QSER1: variants seen among roughly 807,000 people sequenced by gnomAD.
QSER1 encodes the protein glutamine and serine-rich protein 1.
Under a neutral mutation model 158.5 loss-of-function variants are expected in QSER1, and 49 were observed. The ratio of observed to expected loss-of-function variants is 0.31; its 90% CI spans 0.25 to 0.39. The LOEUF (loss-of-function observed/expected upper bound fraction) is 0.39. Among genes scored for constraint, QSER1 ranks in the 10% least tolerant of loss-of-function variants. The pLI is 1.00. For missense variants in QSER1, 1,754 were observed against 2,010.3 expected (o/e 0.87, Z 2.44); for synonymous variants, 650 against 715.5 (o/e 0.91, Z 1.46).
chr11:32,925,727 C>T (rs1034727935), intron 1 of QSER1, among the ~76,000 whole-genome samples: 7 of 151,808 alleles, frequency 4.6e-5, no homozygotes, highest in Non-Finnish European at 8.8e-5. Context: ...GGGGTTTTGC[C>T]ATGTTGGCCA....
intron 4 of QSER1, among the ~76,000 whole-genome samples, chr11:32,948,927 C>G (rs771968574): frequency 6.6e-6 from 1 of 151,898 alleles, no homozygotes; most frequent in African/African-American, 2.4e-5. Flanking sequence ...CTTTTCTTTT[C>G]CTGGTTACAA....
At chr11:32,966,215 T>G (rs1852743844) in intron 8 of QSER1, 85 bp from the exon 9 acceptor site, 1 of 1,409,648 alleles carries the variant, frequency 7.1e-7, no homozygotes, top group Non-Finnish European at 9.7e-7. Context: ...ATCTGCAATC[T>G]GCTTCTAGGG....
intron 1 of QSER1, among the ~76,000 whole-genome samples, chr11:32,896,278 G>T (rs1012328034): frequency 1.3e-5 from 2 of 152,124 alleles, no homozygotes; most frequent in Admixed American, 6.5e-5. Context: ...GGTGATAATC[G>T]ATGTGTTCGT....
chr11:32,934,731 G>C lies in QSER1; in HGVS notation c.3473G>C (p.Gly1158Ala). 5 of 1,613,792 alleles carry C rather than the reference G, an allele frequency of 3.1e-6. No individual in the cohort carries two copies. Among genetic ancestry groups the C allele is most frequent in the Non-Finnish European group, 4.2e-6 (5 of 1,179,888 alleles). The change falls in exon 4 of 13, where the codon GGT becomes GCT. Residue 1158 changes from glycine to alanine, a missense_variant. Gly to Ala is a moderately conservative substitution (Grantham distance 60). Transcript: ENST00000650167. ...TCAGAGAGTGAATTTACCTTAGGGG[G>C]TGACGACAGTGGTGTGTCAATGAAC... ...ATSESEFTLG[G>A]DDSGVSMNPA...
chr11:32,975,615 A>G (rs2133618911), intron 12 of QSER1: 2 of 1,245,638 alleles, frequency 1.6e-6, no homozygotes, highest in Non-Finnish European at 2.0e-6. Flanking sequence ...GCCATAATAA[A>G]TGATGTTTTA....
intron 1 of QSER1, among the ~76,000 whole-genome samples, chr11:32,916,225 C>A (rs1342839624): frequency 2.0e-5 from 3 of 152,170 alleles, no homozygotes; most frequent in Admixed American, 6.6e-5. Context: ...TTTATTGATA[C>A]AATTTACATG....
Position 32,932,150 on chromosome 11 carries a change from A to G in QSER1, c.892A>G (p.Thr298Ala), listed in dbSNP as rs1852057806. Residue 298 changes from threonine (T) to alanine (A), a missense_variant, in exon 4 of 13, where the codon ACT (threonine) becomes GCT (alanine). Thr to Ala is a moderately conservative substitution (Grantham distance 58). Coordinates refer to ENST00000650167, the MANE Select transcript of QSER1 (RefSeq NM_001076786.3). ...SQQTPQAYSS[T>A]LFTSSTASIE... ...GCAGACTCCTCAAGCCTACAGTTCAACTCTCTTTACTAGTTCTACTGCTTC... is the reference window on the plus strand; with the variant it reads ...GCAGACTCCTCAAGCCTACAGTTCAGCTCTCTTTACTAGTTCTACTGCTTC... The G allele has an allele frequency of 1.2e-6, 2 of 1,613,944 alleles. No homozygotes were observed. The highest frequency in any genetic ancestry group is 1.7e-6 in the Non-Finnish European group (2 of 1,179,960).
At chr11:32,918,185 C>T (rs1394349844) in intron 1 of QSER1, among the ~76,000 whole-genome samples, 1 of 152,098 alleles carries the variant, frequency 6.6e-6, no homozygotes, top group Non-Finnish European at 1.5e-5. Flanking sequence ...TTATTTATGA[C>T]TACCTGCTGT....
In QSER1 at chr11:32,893,646, A is replaced by G. The variant is rs531146297; in HGVS notation, c.209+312A>G. Among the ~76,000 whole-genome samples, 117 of 152,176 alleles carry G rather than the reference A, an allele frequency of 7.7e-4. 1 individual carries two copies. The highest frequency in any genetic ancestry group is 1.5e-3 in the South Asian group (7 of 4,824). On this transcript the variant is annotated intron_variant, in intron 1 of 12. Coordinates refer to ENST00000650167, the MANE Select transcript of QSER1 (RefSeq NM_001076786.3). The surrounding 1 kb of genome is among the most constrained non-coding windows in gnomAD (Gnocchi z 4.7). ...GTTTGGGCTCGTGGCTGAACTCGGG[A>G]TCTGTGAGACCCAGGATTGGCGCCG...
intron 3 of QSER1, 64 bp downstream of exon 3, chr11:32,928,187 T>C (rs1353069864): frequency 6.1e-6 from 6 of 991,462 alleles, no homozygotes; most frequent in Non-Finnish European, 9.6e-6. Flanking sequence ...ATACATTTGA[T>C]GGCCTTGTCA....
At position 32,978,890 on chromosome 11, in the gene QSER1, T is replaced by C. The variant is rs1196648554; in HGVS notation, c.*2416T>C. ...TATGAAGTTAAATACAGTCATGCGT[T>C]GCTTAACAGCAGGGATACATTCTGA... is the stretch of plus-strand genomic sequence containing the variant. On this transcript the variant is annotated 3_prime_UTR_variant, in exon 13 of 13. Coordinates refer to ENST00000650167, the MANE Select transcript of QSER1 (RefSeq NM_001076786.3). The C allele has an allele frequency of 6.6e-6, 1 of 152,218 alleles. No homozygotes were observed. The highest frequency in any genetic ancestry group is 1.5e-5 in the Non-Finnish European group (1 of 68,044). The allele number at this position is 152,218 out of a possible 1,614,324, so 9.4% of individuals were successfully genotyped here.
chr11:32,978,202 C>T lies in QSER1; in HGVS notation c.*1728C>T, dbSNP rs1191470399. On this transcript the variant is annotated 3_prime_UTR_variant, in exon 13 of 13. Coordinates refer to ENST00000650167, the MANE Select transcript of QSER1 (RefSeq NM_001076786.3). ...TTCCATTTTTGAAAGTTTTAAAAAACCTGTTTGGGTGGTTTATTTTGAAAA... is the reference window on the plus strand; with the variant it reads ...TTCCATTTTTGAAAGTTTTAAAAAATCTGTTTGGGTGGTTTATTTTGAAAA... The T allele has an allele frequency of 6.6e-6, 1 of 152,500 alleles. No homozygotes were observed. The highest frequency in any genetic ancestry group is 2.4e-5 in the African/African-American group (1 of 41,398). The allele number at this position is 152,500 out of a possible 1,614,324, so 9.4% of individuals were successfully genotyped here. A position where few individuals can be genotyped will look rare whatever the true frequency, so the allele number is the denominator to read the frequency against.
chr11:32,901,374 G>A (rs1273929797), intron 1 of QSER1, among the ~76,000 whole-genome samples: 1 of 152,120 alleles, frequency 6.6e-6, no homozygotes, highest in African/African-American at 2.4e-5. Flanking sequence ...CTATTCCAGA[G>A]GTACAAAAAT....
At chr11:32,970,976 A>T (rs1468352557) in intron 10 of QSER1, among the ~76,000 whole-genome samples, 1 of 109,944 alleles carries the variant, frequency 9.1e-6, no homozygotes, top group African/African-American at 3.5e-5. Context: ...TTTTTGAGAC[A>T]GACTCTCGCT....
At chr11:32,946,067 A>G (rs1852326222) in intron 4 of QSER1, among the ~76,000 whole-genome samples, 1 of 151,586 alleles carries the variant, frequency 6.6e-6, no homozygotes, top group African/African-American at 2.4e-5. Context: ...GTAGTTCTCG[A>G]GCCTTGGTTT....
At chr11:32,960,949 T>G (rs1186653834) in intron 8 of QSER1, among the ~76,000 whole-genome samples, 2 of 152,196 alleles carry the variant, frequency 1.3e-5, no homozygotes, top group Non-Finnish European at 2.9e-5. Flanking sequence ...TCAAACACAT[T>G]GAGGATTCCA....
At chr11:32,967,200 CATT>C (rs1209289404) in intron 9 of QSER1, among the ~76,000 whole-genome samples, 5 of 152,142 alleles carry the variant, frequency 3.3e-5, no homozygotes, top group Non-Finnish European at 5.9e-5. Flanking sequence ...AACTGGAGGT[CATT>C]ATTCTAACTG....
chr11:32,957,726 A>C, intron 7 of QSER1, 143 bp from the exon 8 acceptor site: 1 of 680,604 alleles, frequency 1.5e-6, no homozygotes, highest in Non-Finnish European at 2.5e-6. Context: ...ATTGAGATGT[A>C]TATAGGACTT....
intron 4 of QSER1, among the ~76,000 whole-genome samples, chr11:32,939,389 A>T (rs907706773): frequency 6.6e-6 from 1 of 152,112 alleles, no homozygotes; most frequent in Non-Finnish European, 1.5e-5. Flanking sequence ...GGCTCCTTGA[A>T]GATCTTTTAA....
Sources: allele counts gnomAD v4.1 joint callset (sites outside exome capture counted in the v4.1 genomes callset), GRCh38; gene constraint gnomAD v4.1.1; non-coding constraint Gnocchi (gnomAD v3.1); transcripts MANE v1.5; gene names NCBI Gene and HGNC (gene_info 2026-07-23, HGNC 2026-07-21).